LDB2: variants seen among roughly 807,000 people sequenced by gnomAD.
LDB2 encodes LIM domain-binding protein 2.
Under a neutral mutation model 44.3 loss-of-function variants are expected in LDB2, and 12 were observed. That is an observed-to-expected ratio of 0.27 (90% confidence interval 0.17 to 0.44). LDB2 has a LOEUF of 0.44. LDB2 is among the 20% of genes least tolerant of loss of function. The probability of loss-of-function intolerance (pLI) is 1.00; values close to 1 mark genes in which losing one functional copy is unlikely to be tolerated. For missense variants in LDB2, 344 were observed against 473.5 expected (o/e 0.73, Z 2.54); for synonymous variants, 164 against 174.8 (o/e 0.94, Z 0.49).
At chr4:16,561,848 A>G (rs1474574555) in intron 5 of LDB2, among the ~76,000 whole-genome samples, 2 of 152,232 alleles carry the variant, frequency 1.3e-5, no homozygotes, top group South Asian at 4.1e-4. Flanking sequence ...CCAAAACAGC[A>G]TGGTACTGGT....
chr4:16,593,071 A>T (rs1719674532), intron 3 of LDB2, among the ~76,000 whole-genome samples: 1 of 152,046 alleles, frequency 6.6e-6, no homozygotes, highest in African/African-American at 2.4e-5. Flanking sequence ...AATTGCAATA[A>T]TGCTCATGAT....
intron 1 of LDB2, among the ~76,000 whole-genome samples, chr4:16,789,413 G>A (rs1311098483): frequency 1.3e-5 from 2 of 152,198 alleles, no homozygotes; most frequent in African/African-American, 4.8e-5. Flanking sequence ...TAGAAGGAGA[G>A]TGAGAGAAGA....
intron 5 of LDB2, among the ~76,000 whole-genome samples, chr4:16,558,439 C>T (rs138821914): frequency 0.039 from 5,872 of 152,180 alleles, 158 homozygotes; most frequent in Non-Finnish European, 0.062. Flanking sequence ...CCGATGCGAT[C>T]AACTGGAAGA....
chr4:16,623,904 T>C (rs1295830304), intron 2 of LDB2, among the ~76,000 whole-genome samples: 1 of 152,190 alleles, frequency 6.6e-6, no homozygotes, highest in Non-Finnish European at 1.5e-5. Flanking sequence ...AATTTCACAC[T>C]AAATCAGATT....
In LDB2 at chr4:16,782,561, A is replaced by C. The variant is rs563874438; in HGVS notation, c.133-23301T>G. 6.6e-5 allele frequency among the ~76,000 whole-genome samples: 10 copies of C among 152,206 alleles called. No individual in the cohort carries two copies. The East Asian group carries it at 1.7e-3, about 27-fold the overall frequency. On this transcript the variant is annotated intron_variant, in intron 1 of 7. Coordinates refer to ENST00000304523, the MANE Select transcript of LDB2 (RefSeq NM_001290.5). Reference sequence around the variant, plus strand: ...GAGACGGGGTTTCACCATATTAGCCACGATTGTCTCAATCTCCTGACCTTG... The same window carrying C: ...GAGACGGGGTTTCACCATATTAGCCCCGATTGTCTCAATCTCCTGACCTTG...
intron 1 of LDB2, among the ~76,000 whole-genome samples, chr4:16,803,181 G>A (rs1368641749): frequency 1.3e-5 from 2 of 152,148 alleles, no homozygotes; most frequent in Non-Finnish European, 2.9e-5. Flanking sequence ...AGAACTCACT[G>A]ACCCTAGTTT....
intron 2 of LDB2, among the ~76,000 whole-genome samples, chr4:16,686,081 A>C (rs528997259): frequency 6.6e-6 from 1 of 152,216 alleles, no homozygotes; most frequent in South Asian, 2.1e-4. Flanking sequence ...AAATATGTAA[A>C]CATGGCAGAT....
chr4:16,678,121 C>A (rs1442638109), intron 2 of LDB2, among the ~76,000 whole-genome samples: 1 of 152,152 alleles, frequency 6.6e-6, no homozygotes, highest in African/African-American at 2.4e-5. Context: ...AACCCCAAAT[C>A]AGAAGCACCA....
At chr4:16,808,221 G>A (rs1779149628) in intron 1 of LDB2, among the ~76,000 whole-genome samples, 1 of 152,184 alleles carries the variant, frequency 6.6e-6, no homozygotes, top group Admixed American at 6.5e-5. Flanking sequence ...AACATGCCAG[G>A]AGGAGCTTCT....
intron 1 of LDB2, among the ~76,000 whole-genome samples, chr4:16,863,463 A>G (rs1398271841): frequency 6.6e-6 from 1 of 152,120 alleles, no homozygotes; most frequent in Non-Finnish European, 1.5e-5. Flanking sequence ...TGGGGAGCAA[A>G]CCATTTTGAG....
chr4:16,794,016 C>T (rs565598531), intron 1 of LDB2, among the ~76,000 whole-genome samples: 44 of 152,176 alleles, frequency 2.9e-4, no homozygotes, highest in Admixed American at 1.2e-3. Flanking sequence ...CATACTGCCT[C>T]TTTCAGTTAG....
chr4:16,687,542 A>C (rs1749560542), intron 2 of LDB2, among the ~76,000 whole-genome samples: 1 of 152,220 alleles, frequency 6.6e-6, no homozygotes, highest in Non-Finnish European at 1.5e-5. Flanking sequence ...GATAAGGATC[A>C]TATTTTTAAT....
intron 1 of LDB2, among the ~76,000 whole-genome samples, chr4:16,854,155 AC>A (rs1173910160): frequency 6.6e-6 from 1 of 152,064 alleles, no homozygotes; most frequent in Non-Finnish European, 1.5e-5. Flanking sequence ...CCAGAAAAAA[AC>A]AAAACAAAAC....
At chr4:16,629,338 C>T (rs978355217) in intron 2 of LDB2, among the ~76,000 whole-genome samples, 1 of 152,148 alleles carries the variant, frequency 6.6e-6, no homozygotes, top group Non-Finnish European at 1.5e-5. Context: ...GGTCCCTGAC[C>T]CCCGTGTAGC....
intron 2 of LDB2, among the ~76,000 whole-genome samples, chr4:16,645,996 C>A (rs1436624512): frequency 1.3e-5 from 2 of 152,224 alleles, no homozygotes; most frequent in African/African-American, 2.4e-5. Flanking sequence ...TCTCTTTTAG[C>A]ACTTTGCATT....
chr4:16,666,029 A>G (rs557700440), intron 2 of LDB2, among the ~76,000 whole-genome samples: 13 of 152,192 alleles, frequency 8.5e-5, no homozygotes, highest in African/African-American at 3.1e-4. Context: ...GAAACAACCA[A>G]CGCTGCCGAC....
At chr4:16,871,171 A>G (rs1010035456) in intron 1 of LDB2, among the ~76,000 whole-genome samples, 2 of 152,180 alleles carry the variant, frequency 1.3e-5, no homozygotes, top group African/African-American at 2.4e-5. Context: ...TGTTACTATT[A>G]TTGGTGCCCT....
At chr4:16,616,785 C>T (rs1727466126) in intron 2 of LDB2, among the ~76,000 whole-genome samples, 1 of 152,182 alleles carries the variant, frequency 6.6e-6, no homozygotes, top group South Asian at 2.1e-4. Context: ...TAAAAGTCCC[C>T]TGACACCACC....
intron 2 of LDB2, among the ~76,000 whole-genome samples, chr4:16,710,902 C>T (rs546562540): frequency 2.0e-5 from 3 of 152,222 alleles, no homozygotes; most frequent in East Asian, 1.9e-4. Context: ...GCTAAAGTAC[C>T]GAAAGGCAAT....
Sources: gnomAD v4.1 joint callset for allele counts (sites outside exome capture counted in the v4.1 genomes callset) on GRCh38, gnomAD v4.1.1 for gene constraint, MANE v1.5 for transcripts, NCBI Gene and HGNC (gene_info 2026-07-23, HGNC 2026-07-21) for gene names.